The following PPP1R21 variants were observed in gnomAD, a reference collection of about 807,000 sequenced individuals.
The protein encoded by PPP1R21 is protein phosphatase 1 regulatory subunit 21.
PPP1R21 carries 85 observed loss-of-function variants against 112.8 expected under a neutral mutation model. The ratio of observed to expected loss-of-function variants is 0.75; its 90% CI spans 0.63 to 0.90. The LOEUF (loss-of-function observed/expected upper bound fraction) is 0.90. Ranked by LOEUF, PPP1R21 falls within the 40% of genes least tolerant of loss-of-function variation. The pLI is 0.00. For missense variants in PPP1R21, 1,199 were observed against 901.5 expected (o/e 1.33, Z -4.23); for synonymous variants, 381 against 322.3 (o/e 1.18, Z -1.95).
chr2:48,447,808 G>A (rs766894723), intron 1 of PPP1R21, among the ~76,000 whole-genome samples: 7 of 152,056 alleles, frequency 4.6e-5, no homozygotes, highest in Non-Finnish European at 8.8e-5. Flanking sequence ...AAATTAGCCG[G>A]GCGTGGTGGC....
intron 6 of PPP1R21, 91 bp downstream of exon 6, chr2:48,460,244 T>C: frequency 1.6e-6 from 2 of 1,285,718 alleles, no homozygotes; most frequent in East Asian, 2.4e-5. Context: ...TTTAATTGTC[T>C]TACATTTAAA....
At chr2:48,477,316 T>G (rs1482166437) in intron 12 of PPP1R21, among the ~76,000 whole-genome samples, 1 of 151,966 alleles carries the variant, frequency 6.6e-6, no homozygotes, top group Non-Finnish European at 1.5e-5. Context: ...GATGGGGGTC[T>G]CACCATGTTG....
chr2:48,513,636 T>C (rs1350781936), intron 21 of PPP1R21, among the ~76,000 whole-genome samples: 2 of 152,178 alleles, frequency 1.3e-5, no homozygotes, highest in African/African-American at 2.4e-5. Context: ...AGTTTGCTTT[T>C]CCCCCATTTA....
intron 12 of PPP1R21, among the ~76,000 whole-genome samples, chr2:48,476,498 C>T (rs931912916): frequency 6.6e-6 from 1 of 152,180 alleles, no homozygotes; most frequent in East Asian, 1.9e-4. Flanking sequence ...CATGTGGCAA[C>T]TCTGCTTAAC....
At chr2:48,505,509 T>C (rs1670333223) in intron 17 of PPP1R21, 55 bp from the exon 18 acceptor site, 10 of 1,300,226 alleles carry the variant, frequency 7.7e-6, no homozygotes, top group Non-Finnish European at 7.6e-6. Context: ...GTTTGATCTA[T>C]TGTGCTTGAA....
chr2:48,490,372 T>C lies in PPP1R21; in HGVS notation c.1447-646T>C, dbSNP rs547918977. On this transcript the variant is annotated intron_variant, in intron 14 of 21. Transcript: ENST00000294952. Reference sequence around the variant, plus strand: ...CATGTTGAAGTCACTTTAAAGTACTTGTTGAGATACAAAACCACAGAGGTA... The same window carrying C: ...CATGTTGAAGTCACTTTAAAGTACTCGTTGAGATACAAAACCACAGAGGTA... Among the ~76,000 whole-genome samples the C allele has an allele frequency of 3.9e-5, 6 of 152,268 alleles. No individual in the cohort carries two copies. The South Asian group carries it at 8.3e-4, about 21-fold the overall frequency.
intron 12 of PPP1R21, among the ~76,000 whole-genome samples, chr2:48,476,233 C>G (rs899070909): frequency 2.6e-5 from 4 of 152,202 alleles, no homozygotes; most frequent in African/African-American, 9.6e-5. Context: ...TGACTTCTTT[C>G]ACTTAGCATC....
At position 48,461,219 on chromosome 2, in the gene PPP1R21, T is replaced by C; in HGVS notation, c.681T>C (p.Pro227=). Residue 227 remains proline (P), a synonymous_variant, in exon 7 of 22, where the codon CCT becomes CCC. Transcript: ENST00000294952. ...TATCAATCATCAATGAAAAAGTACC[T>C]TTTAATGATACAAGTAGGTATTATG... ...ESLSIINEKV[P]FNDTKYSQYN... 1 of 1,579,218 alleles carries C rather than the reference T, an allele frequency of 6.3e-7. No individual in the cohort carries two copies. The highest frequency in any genetic ancestry group is 8.6e-7 in the Non-Finnish European group (1 of 1,168,812).
chr2:48,504,658 A>C (rs78328094), intron 17 of PPP1R21, among the ~76,000 whole-genome samples: 2,402 of 152,186 alleles, frequency 0.016, 57 homozygotes, highest in African/African-American at 0.052. Context: ...AACAAACAAA[A>C]AAAAACTGTT....
chr2:48,463,294 G>C (rs945169865), intron 7 of PPP1R21, among the ~76,000 whole-genome samples: 1 of 152,152 alleles, frequency 6.6e-6, no homozygotes, highest in African/African-American at 2.4e-5. Context: ...TGAGGTAGAA[G>C]CTGGAGAAGG....
intron 10 of PPP1R21, 37 bp downstream of exon 10, chr2:48,471,225 A>G (rs749521810): frequency 5.6e-6 from 9 of 1,605,106 alleles, no homozygotes; most frequent in Non-Finnish European, 7.7e-6. Context: ...GGAAACTGGG[A>G]GCTCCTCTTT....
At chr2:48,447,889 G>T (rs1420981399) in intron 1 of PPP1R21, among the ~76,000 whole-genome samples, 1 of 152,102 alleles carries the variant, frequency 6.6e-6, no homozygotes, top group South Asian at 2.1e-4. Context: ...GGTGGAGGCT[G>T]CAGTGAGCTG....
chr2:48,491,495 A>C (rs541437820), intron 15 of PPP1R21, among the ~76,000 whole-genome samples: 1 of 152,136 alleles, frequency 6.6e-6, no homozygotes, highest in Non-Finnish European at 1.5e-5. Flanking sequence ...AAAAAAAAGA[A>C]ATATGTGTAT....
At chr2:48,511,238 C>T in intron 20 of PPP1R21, 102 bp from the exon 21 acceptor site, 2 of 1,138,844 alleles carry the variant, frequency 1.8e-6, no homozygotes, top group Non-Finnish European at 2.5e-6. Flanking sequence ...TATTGGGAAA[C>T]TATAATTTCC....
At chr2:48,476,024 A>C (rs1477956575) in intron 12 of PPP1R21, among the ~76,000 whole-genome samples, 1 of 152,162 alleles carries the variant, frequency 6.6e-6, no homozygotes, top group Non-Finnish European at 1.5e-5. Context: ...ATTCACAGGA[A>C]TGTGCATTGT....
At chr2:48,442,092 A>T (rs1667055922) in intron 1 of PPP1R21, among the ~76,000 whole-genome samples, 1 of 152,174 alleles carries the variant, frequency 6.6e-6, no homozygotes, top group Non-Finnish European at 1.5e-5. Context: ...TTGCATTTCC[A>T]TTTGAAATTG....
chr2:48,462,168 T>C (rs1400323423), intron 7 of PPP1R21, among the ~76,000 whole-genome samples: 1 of 152,246 alleles, frequency 6.6e-6, no homozygotes, highest in Non-Finnish European at 1.5e-5. Flanking sequence ...TCCTTCCTTT[T>C]CTAATACTAG....
At chr2:48,447,964 A>G in intron 1 of PPP1R21, among the ~76,000 whole-genome samples, 1 of 151,606 alleles carries the variant, frequency 6.6e-6, no homozygotes, top group Admixed American at 6.7e-5. Flanking sequence ...TAAATAAATA[A>G]ATAAATAATA....
intron 11 of PPP1R21, 187 bp downstream of exon 11, chr2:48,471,554 A>C: frequency 7.1e-6 from 4 of 566,876 alleles, no homozygotes; most frequent in Non-Finnish European, 1.2e-5. Context: ...AAGAAAGTTG[A>C]ATTATAGTCT....
Sources: gnomAD v4.1 joint callset for allele counts (sites outside exome capture counted in the v4.1 genomes callset) on GRCh38, gnomAD v4.1.1 for gene constraint, MANE v1.5 for transcripts, NCBI Gene and HGNC (gene_info 2026-07-23, HGNC 2026-07-21) for gene names.